SUCO: variants seen among roughly 807,000 people sequenced by gnomAD.
The protein encoded by SUCO is SUN domain-containing ossification factor.
In SUCO, 57 loss-of-function variants were observed where a neutral mutation model predicts 148.1. The ratio of observed to expected loss-of-function variants is 0.38; its 90% CI spans 0.31 to 0.48. The LOEUF is 0.48. SUCO is among the 20% of genes least tolerant of loss of function. SUCO has a pLI of 0.96. For synonymous variants in SUCO, 470 were observed against 502.7 expected (o/e 0.93, Z 0.87); for missense variants, 1,331 against 1,468.2 (o/e 0.91, Z 1.53).
At chr1:172,601,861 C>G (rs1657552486) in intron 20 of SUCO, among the ~76,000 whole-genome samples, 2 of 151,998 alleles carry the variant, frequency 1.3e-5, no homozygotes, top group South Asian at 4.2e-4. Context: ...AGGTTTCACT[C>G]CTATAGAAAG....
At chr1:172,596,628 C>G (rs1183687052) in intron 19 of SUCO, among the ~76,000 whole-genome samples, 1 of 152,188 alleles carries the variant, frequency 6.6e-6, no homozygotes, top group Non-Finnish European at 1.5e-5. Flanking sequence ...AATGTTGCTG[C>G]CTGATCCTTC....
intron 1 of SUCO, among the ~76,000 whole-genome samples, chr1:172,549,963 A>C (rs1434060044): frequency 6.6e-6 from 1 of 151,814 alleles, no homozygotes; most frequent in East Asian, 1.9e-4. Flanking sequence ...AAATCCCCAA[A>C]GTCTGTCTTT....
chr1:172,579,409 AT>A (rs1655705515), intron 15 of SUCO, 142 bp downstream of exon 15: 3 of 537,334 alleles, frequency 5.6e-6, no homozygotes, highest in Admixed American at 3.6e-5. Flanking sequence ...TTTGAAAAGT[AT>A]TTTTATAGAA....
intron 1 of SUCO, among the ~76,000 whole-genome samples, chr1:172,544,868 T>C (rs915421658): frequency 2.0e-5 from 3 of 152,168 alleles, no homozygotes; most frequent in African/African-American, 4.8e-5. Context: ...AATTTACTGT[T>C]AGATTTTTGG....
chr1:172,578,159 G>C, intron 13 of SUCO, 139 bp from the exon 14 acceptor site: 2 of 659,140 alleles, frequency 3.0e-6, no homozygotes, highest in Admixed American at 5.4e-5. Context: ...TTAAATGTAA[G>C]GAGCAGCCAT....
chr1:172,535,461 G>T (rs1372204866), intron 1 of SUCO, among the ~76,000 whole-genome samples: 3 of 152,174 alleles, frequency 2.0e-5, no homozygotes, highest in Non-Finnish European at 4.4e-5. Flanking sequence ...GTGGTACCTG[G>T]TGCTGATTGG....
chr1:172,611,569 GT>G lies in SUCO; in HGVS notation c.*1313del, dbSNP rs1425331098. 1.3e-5 allele frequency: 2 copies of G among 152,448 alleles called. No homozygotes were observed. The highest frequency in any genetic ancestry group is 2.9e-5 in the Non-Finnish European group (2 of 67,976). 9.4% of individuals were successfully genotyped at this position (152,448 alleles called of 1,614,324 possible). On this transcript the variant is annotated 3_prime_UTR_variant, in exon 24 of 24. Transcript: ENST00000263688. Reference sequence around the variant, plus strand: ...ATGTGACTTATTTAACGCCTTTTTTGTTTGTTTAAGTTGCTGCTTTAGGTTA... The same window carrying G: ...ATGTGACTTATTTAACGCCTTTTTTGTTGTTTAAGTTGCTGCTTTAGGTTA...
rs554067493 is a variant in SUCO at position 172,572,423 on chromosome 1, CAT to C, written c.1050-1467_1050-1466del. 1.7e-3 allele frequency among the ~76,000 whole-genome samples: 264 copies of C among 152,062 alleles called. 1 individual carries two copies. The highest frequency in any genetic ancestry group is 1.6e-3 in the Non-Finnish European group (108 of 67,984). On this transcript the variant is annotated intron_variant, in intron 9 of 23. Coordinates refer to ENST00000263688, the MANE Select transcript of SUCO (RefSeq NM_014283.5). Reference sequence around the variant, plus strand: ...ACCCCCAACCCTGTGCTCCCTGAAACATGTGCTGTGTCCACTCAGGGTTAAAT... The same window carrying C: ...ACCCCCAACCCTGTGCTCCCTGAAACGTGCTGTGTCCACTCAGGGTTAAAT...
chr1:172,596,132 A>G (rs1476955954), intron 19 of SUCO, among the ~76,000 whole-genome samples: 3 of 152,080 alleles, frequency 2.0e-5, no homozygotes, highest in Non-Finnish European at 2.9e-5. Flanking sequence ...GCTCCATCAG[A>G]TCAATTAAGG....
In SUCO at chr1:172,533,172, A is replaced by T. The variant is rs369053337; in HGVS notation, c.-264A>T. The T allele has an allele frequency of 2.3e-3, 3,359 of 1,472,080 alleles. 72 individuals are homozygous for T. In the African/African-American group the frequency reaches 0.042, roughly 19 times the overall value. 91.2% of individuals were successfully genotyped at this position (1,472,080 alleles called of 1,614,324 possible). A position where few individuals can be genotyped will look rare whatever the true frequency, so the allele number is the denominator to read the frequency against. ...GATATGGGGCGGCAGTGGCGGCTGCAGGAGGCGGGCGTGGACGAGCCGGTG... is the reference window on the plus strand; with the variant it reads ...GATATGGGGCGGCAGTGGCGGCTGCTGGAGGCGGGCGTGGACGAGCCGGTG... On this transcript the variant is annotated 5_prime_UTR_variant, in exon 1 of 24. Transcript: ENST00000263688.
intron 9 of SUCO, among the ~76,000 whole-genome samples, chr1:172,572,563 G>A (rs1037064145): frequency 2.6e-5 from 4 of 151,976 alleles, no homozygotes; most frequent in Admixed American, 6.5e-5. Context: ...CAAACACTGC[G>A]GAAGGCCGCA....
At chr1:172,606,163 A>G (rs1236504159) in intron 22 of SUCO, among the ~76,000 whole-genome samples, 1 of 151,610 alleles carries the variant, frequency 6.6e-6, no homozygotes, top group Non-Finnish European at 1.5e-5. Context: ...ATTTTGTTAG[A>G]TAATTATTTA....
At chr1:172,555,760 T>G in intron 3 of SUCO, 109 bp from the exon 4 acceptor site, 1 of 857,020 alleles carries the variant, frequency 1.2e-6, no homozygotes, top group Non-Finnish European at 1.7e-6. Context: ...TTAGTGAACA[T>G]TGTTTATATT....
intron 1 of SUCO, among the ~76,000 whole-genome samples, chr1:172,549,887 C>T (rs1390383147): frequency 2.6e-4 from 5 of 18,936 alleles, no homozygotes; most frequent in African/African-American, 8.7e-4. Flanking sequence ...AACCTTCCTT[C>T]AGGGAAAAAA....
Position 172,557,764 on chromosome 1 carries a change from A to G in SUCO, c.702A>G (p.Ala234=). The change falls in exon 6 of 24, where the codon GCA becomes GCG. Residue 234 remains alanine, a synonymous_variant. Transcript: ENST00000263688. The stretch of plus-strand genomic sequence containing the variant: ...AGGGCGGTGGTGATCCAAAATCTGC[A>G]TTGAATGCTTCAGATAATTTAAAAA... The part of the protein sequence containing the change: ...SEQGGGDPKS[A]LNASDNLKNE... 1.2e-6 allele frequency: 2 copies of G among 1,603,570 alleles called. No homozygotes were observed. The highest frequency in any genetic ancestry group is 8.5e-7 in the Non-Finnish European group (1 of 1,177,340).
chr1:172,561,123 TG>T (rs1283709312), intron 6 of SUCO, among the ~76,000 whole-genome samples: 1 of 152,238 alleles, frequency 6.6e-6, no homozygotes, highest in Non-Finnish European at 1.5e-5. Flanking sequence ...ACTGCAGCAT[TG>T]GTATCTTGGC....
At chr1:172,582,628 A>G (rs957590440) in intron 15 of SUCO, among the ~76,000 whole-genome samples, 7 of 152,170 alleles carry the variant, frequency 4.6e-5, no homozygotes, top group Non-Finnish European at 1.0e-4. Flanking sequence ...AAAGTTTTTT[A>G]ATGGCCAGAT....
intron 15 of SUCO, 108 bp downstream of exon 15, chr1:172,579,375 G>A (rs2149253248): frequency 3.2e-6 from 2 of 618,276 alleles, no homozygotes; most frequent in East Asian, 5.9e-5. Flanking sequence ...GTTGAACTTT[G>A]AGTTGAAATA....
chr1:172,588,220 T>A (rs1656375233), intron 17 of SUCO: 1 of 985,180 alleles, frequency 1.0e-6, no homozygotes, highest in Admixed American at 6.2e-5. Context: ...CTCAAATCAT[T>A]CTTAGAAAAA....
Sources: gnomAD v4.1 joint callset for allele counts (sites outside exome capture counted in the v4.1 genomes callset) on GRCh38, gnomAD v4.1.1 for gene constraint, MANE v1.5 for transcripts, NCBI Gene and HGNC (gene_info 2026-07-23, HGNC 2026-07-21) for gene names.